NFIC: variants seen among roughly 807,000 people sequenced by gnomAD.
NFIC encodes nuclear factor 1 C-type.
NFIC carries 12 observed loss-of-function variants against 54.4 expected under a neutral mutation model. That is an observed-to-expected ratio of 0.22 (90% CI 0.14 to 0.36). The LOEUF (loss-of-function observed/expected upper bound fraction) is 0.36. Ranked by LOEUF, NFIC falls within the 10% of genes least tolerant of loss-of-function variation. The pLI is 1.00. For synonymous variants in NFIC, 322 were observed against 319.2 expected, an observed-to-expected ratio of 1.01 and a Z score of -0.09; for missense variants, 575 against 718.2, an observed-to-expected ratio of 0.80 and a Z score of 2.28.
chr19:3,359,751 C>A, intron 1 of NFIC: 3 of 1,362,646 alleles, frequency 2.2e-6, no homozygotes, highest in South Asian at 1.6e-5. Context: ...GGGCTCCGGG[C>A]GAAAGTTGCA....
Position 3,452,442 on chromosome 19 carries a change from G to A in NFIC, c.1085-40G>A, listed in dbSNP as rs1422866411. On this transcript the variant is annotated intron_variant, in intron 7 of 10. Transcript: ENST00000443272. This position sits in a 1 kb window ranked among gnomAD's most constrained non-coding sequence, Gnocchi z 5.3. ...CACACGGTCACAGAGCAGACCGGCTGGAGCCCCCAAGTAACCCCCGCTTCC... is the reference window on the plus strand; with the variant it reads ...CACACGGTCACAGAGCAGACCGGCTAGAGCCCCCAAGTAACCCCCGCTTCC... The A allele has an allele frequency of 1.9e-6, 3 of 1,604,048 alleles. No homozygotes were observed. The highest frequency in any genetic ancestry group is 1.3e-5 in the African/African-American group (1 of 74,900).
intron 2 of NFIC, among the ~76,000 whole-genome samples, chr19:3,408,350 G>A (rs1447034296): frequency 6.6e-6 from 1 of 152,174 alleles, no homozygotes; most frequent in African/African-American, 2.4e-5. Context: ...ACCCCTGCTG[G>A]GCCAGGGTGT....
chr19:3,426,594 A>G (rs1292644628), intron 3 of NFIC, among the ~76,000 whole-genome samples: 1 of 151,606 alleles, frequency 6.6e-6, no homozygotes, highest in African/African-American at 2.4e-5. Context: ...ACAGCCATCC[A>G]CGGCTCCCAC....
At chr19:3,408,415 T>C (rs2081692246) in intron 2 of NFIC, among the ~76,000 whole-genome samples, 1 of 152,056 alleles carries the variant, frequency 6.6e-6, no homozygotes, top group Non-Finnish European at 1.5e-5. Flanking sequence ...CTTTAAAAAT[T>C]GCTTTAACTG....
At chr19:3,361,973 G>A (rs553869701), upstream of NFIC, among the ~76,000 whole-genome samples, 12 of 152,252 alleles carry the variant, frequency 7.9e-5, no homozygotes, top group African/African-American at 1.2e-4. Context: ...ACACACAGGC[G>A]TGCACAGACA....
intron 2 of NFIC, among the ~76,000 whole-genome samples, chr19:3,405,527 G>A (rs1345383834): frequency 6.6e-6 from 1 of 152,184 alleles, no homozygotes; most frequent in Admixed American, 6.6e-5. Context: ...TCTTGGGGAG[G>A]AGGAAGTTCT....
chr19:3,422,294 G>A (rs948628047), intron 2 of NFIC, among the ~76,000 whole-genome samples: 25 of 151,136 alleles, frequency 1.7e-4, no homozygotes, highest in African/African-American at 5.3e-4. Context: ...GGCTGGTCTC[G>A]AACTCCTGGC....
chr19:3,386,867 C>G (rs2081304961), intron 2 of NFIC, among the ~76,000 whole-genome samples: 1 of 152,152 alleles, frequency 6.6e-6, no homozygotes, highest in South Asian at 2.1e-4. Context: ...GTGTGAGGGC[C>G]CCACAGGCTG....
intron 2 of NFIC, among the ~76,000 whole-genome samples, chr19:3,389,439 C>CTTTATT (rs1281055605): frequency 6.6e-6 from 1 of 152,186 alleles, no homozygotes; most frequent in East Asian, 1.9e-4. Flanking sequence ...CCTCTTCTGC[C>CTTTATT]TTTATTGATC....
At position 3,453,201 on chromosome 19, in the gene NFIC, T is replaced by C. The variant is rs1360204852; in HGVS notation, c.1269+535T>C. Among the ~76,000 whole-genome samples the C allele has an allele frequency of 6.6e-6, 1 of 152,052 alleles. No homozygotes were observed. Among genetic ancestry groups the C allele is most frequent in the African/African-American group, 2.4e-5 (1 of 41,380 alleles). On this transcript the variant is annotated intron_variant, in intron 8 of 10. Coordinates refer to ENST00000443272, the MANE Select transcript of NFIC (RefSeq NM_001245002.2). This position sits in a 1 kb window ranked among gnomAD's most constrained non-coding sequence, Gnocchi z 6.7. ...CTGCTGTGAGCTGTGATTGTGCCAC[T>C]GCACCCCAGCCTGGGTGACAGAACG...
chr19:3,443,239 T>A (rs891022545), intron 6 of NFIC, among the ~76,000 whole-genome samples: 1 of 152,034 alleles, frequency 6.6e-6, no homozygotes, highest in Non-Finnish European at 1.5e-5. Flanking sequence ...TTTGATAACA[T>A]AGGGAAACCC....
chr19:3,391,831 T>C (rs2081381433), intron 2 of NFIC, among the ~76,000 whole-genome samples: 1 of 152,030 alleles, frequency 6.6e-6, no homozygotes, highest in Non-Finnish European at 1.5e-5. Flanking sequence ...AATGTAATAA[T>C]TAGTAATATG....
chr19:3,411,763 C>T (rs150184621), intron 2 of NFIC, among the ~76,000 whole-genome samples: 13 of 152,278 alleles, frequency 8.5e-5, no homozygotes, highest in South Asian at 4.1e-4. Flanking sequence ...ACCCCCAGCC[C>T]GGCTGTGAGG....
intron 3 of NFIC, among the ~76,000 whole-genome samples, chr19:3,433,041 TGCG>T (rs946139045): frequency 1.3e-5 from 2 of 151,810 alleles, no homozygotes; most frequent in African/African-American, 2.4e-5. Flanking sequence ...AATGGTTCAT[TGCG>T]GCCTCCACCT....
chr19:3,392,538 C>T (rs535567537), intron 2 of NFIC, among the ~76,000 whole-genome samples: 8 of 152,324 alleles, frequency 5.3e-5, no homozygotes, highest in Admixed American at 1.3e-4. Flanking sequence ...CCGAGACAGC[C>T]CCTGAGGGAG....
At chr19:3,448,894 T>C (rs2082412372) in intron 6 of NFIC, 120 bp from the exon 7 acceptor site, 5 of 1,434,430 alleles carry the variant, frequency 3.5e-6, no homozygotes, top group African/African-American at 1.4e-5. Flanking sequence ...CTCAGGATTC[T>C]GGGGTAAGAG....
intron 1 of NFIC, among the ~76,000 whole-genome samples, chr19:3,368,446 T>C (rs1007629941): frequency 1.3e-5 from 2 of 152,126 alleles, no homozygotes; most frequent in East Asian, 1.9e-4. Flanking sequence ...AGGAGGGCTG[T>C]CTGTGGAAAC....
chr19:3,454,193 G>A lies in NFIC; in HGVS notation c.1423+277G>A, dbSNP rs2082515910. On this transcript the variant is annotated intron_variant, in intron 9 of 10. Transcript: ENST00000443272. ...TGGGGGACCCCGGTGCCCGCCGTGG[G>A]CCGTCAGAAACCCTCCCTGGTATGT... 6 of 1,245,388 alleles carry A rather than the reference G, an allele frequency of 4.8e-6. No homozygotes were observed. In the East Asian group the frequency reaches 2.1e-4, roughly 43 times the overall value. 77.1% of individuals were successfully genotyped at this position (1,245,388 alleles called of 1,614,324 possible). A position where few individuals can be genotyped will look rare whatever the true frequency, so the allele number is the denominator to read the frequency against.
chr19:3,374,809 G>C (rs2081077147), intron 1 of NFIC, among the ~76,000 whole-genome samples: 1 of 152,214 alleles, frequency 6.6e-6, no homozygotes, highest in Non-Finnish European at 1.5e-5. Context: ...GGGAGAAACA[G>C]AGTGACAACC....
Sources: gnomAD v4.1 joint callset for allele counts (sites outside exome capture counted in the v4.1 genomes callset) on GRCh38, gnomAD v4.1.1 for gene constraint, Gnocchi (gnomAD v3.1) non-coding constraint, MANE v1.5 for transcripts, NCBI Gene and HGNC (gene_info 2026-07-23, HGNC 2026-07-21) for gene names.